SYT6: variants seen among roughly 807,000 people sequenced by gnomAD.
The protein encoded by SYT6 is synaptotagmin 6.
A neutral mutation model predicts 38.4 loss-of-function variants in SYT6; 24 were observed. That is an observed-to-expected ratio of 0.62 (90% confidence interval 0.45 to 0.88). The LOEUF is 0.88. Among genes scored for constraint, SYT6 ranks in the 40% least tolerant of loss-of-function variants. SYT6 has a pLI of 0.00. For synonymous variants in SYT6, 265 were observed against 241.9 expected, an observed-to-expected ratio of 1.10 and a Z score of -0.89; for missense variants, 611 against 621.0, an observed-to-expected ratio of 0.98 and a Z score of 0.17.
At chr1:114,098,659 G>A (rs1339667928) in intron 5 of SYT6, among the ~76,000 whole-genome samples, 1 of 152,208 alleles carries the variant, frequency 6.6e-6, no homozygotes, top group African/African-American at 2.4e-5. Flanking sequence ...AGGAAGATGT[G>A]TCCTTAGTAT....
intron 3 of SYT6, among the ~76,000 whole-genome samples, chr1:114,120,625 A>G (rs1445268714): frequency 6.6e-6 from 1 of 152,246 alleles, no homozygotes; most frequent in Non-Finnish European, 1.5e-5. Flanking sequence ...GCAACCTCAG[A>G]TAATTCACTT....
intron 2 of SYT6, 137 bp downstream of exon 2, chr1:114,139,478 A>C (rs1441039604): frequency 1.4e-6 from 2 of 1,380,684 alleles, no homozygotes; most frequent in Non-Finnish European, 1.9e-6. Flanking sequence ...CATGGCTCAC[A>C]TCATCTGACA....
At chr1:114,093,870 T>G in intron 6 of SYT6, 67 bp from the exon 7 acceptor site, 1 of 1,470,694 alleles carries the variant, frequency 6.8e-7, no homozygotes, top group South Asian at 1.1e-5. Context: ...GACTCAAGTG[T>G]TTCTTAACCA....
At chr1:114,097,020 GA>G (rs1675679522) in intron 6 of SYT6, among the ~76,000 whole-genome samples, 1 of 152,170 alleles carries the variant, frequency 6.6e-6, no homozygotes, top group African/African-American at 2.4e-5. Flanking sequence ...GAAGTTTGCA[GA>G]TATTACTCAA....
intron 3 of SYT6, among the ~76,000 whole-genome samples, chr1:114,110,520 T>C (rs1314157435): frequency 6.6e-6 from 1 of 152,116 alleles, no homozygotes; most frequent in Non-Finnish European, 1.5e-5. Flanking sequence ...AAGCGGATGG[T>C]GGCTATGATA....
At position 114,118,600 on chromosome 1, in the gene SYT6, C is replaced by A. The variant is rs533707887; in HGVS notation, c.1072-14879G>T. On this transcript the variant is annotated intron_variant, in intron 3 of 7. Transcript: ENST00000610222. ...AGCACGCAGGCCATGCCAGGCCCTC[C>A]GGCGGGGTGTCCCTGGGGCTCCTGC... Among the ~76,000 whole-genome samples the A allele has an allele frequency of 2.0e-5, 3 of 152,230 alleles. No homozygotes were observed. In the East Asian group the frequency reaches 5.8e-4, roughly 29 times the overall value.
chr1:114,147,119 G>A (rs939236330), intron 1 of SYT6, among the ~76,000 whole-genome samples: 4 of 152,172 alleles, frequency 2.6e-5, no homozygotes, highest in East Asian at 1.9e-4. Context: ...AATCTTACTA[G>A]CAGAAATAAT....
At chr1:114,099,331 G>T in intron 4 of SYT6, 66 bp from the exon 5 acceptor site, 1 of 1,516,856 alleles carries the variant, frequency 6.6e-7, no homozygotes, top group Non-Finnish European at 8.9e-7. Context: ...AACATCATTT[G>T]CAGCAAAGGG....
chr1:114,102,785 C>T (rs1329403394), intron 4 of SYT6, among the ~76,000 whole-genome samples: 1 of 151,926 alleles, frequency 6.6e-6, no homozygotes, highest in Non-Finnish European at 1.5e-5. Context: ...CAGCCCAGAC[C>T]AAGAGGCTTC....
At chr1:114,093,190 T>C (rs183678039) in intron 7 of SYT6, among the ~76,000 whole-genome samples, 290 of 152,292 alleles carry the variant, frequency 1.9e-3, no homozygotes, top group African/African-American at 6.4e-3. Flanking sequence ...ATACAGCCAT[T>C]CCTAGAAGGG....
chr1:114,123,126 T>A (rs1677521946), intron 3 of SYT6, among the ~76,000 whole-genome samples: 1 of 152,192 alleles, frequency 6.6e-6, no homozygotes, highest in South Asian at 2.1e-4. Context: ...CTCCCGGCAG[T>A]GTCTCACAGG....
intron 3 of SYT6, among the ~76,000 whole-genome samples, chr1:114,111,809 C>T (rs1232829716): frequency 3.7e-5 from 3 of 81,072 alleles, no homozygotes; most frequent in Non-Finnish European, 5.9e-5. Context: ...GCCCGCCCCA[C>T]GTTCCCACAG....
intron 3 of SYT6, among the ~76,000 whole-genome samples, chr1:114,134,813 T>C (rs591480): frequency 0.013 from 1,998 of 152,302 alleles, 37 homozygotes; most frequent in African/African-American, 0.046. Flanking sequence ...GAGCTGGCTG[T>C]TGGCTGCGCT....
At chr1:114,129,789 C>T (rs1678030363) in intron 3 of SYT6, among the ~76,000 whole-genome samples, 1 of 151,356 alleles carries the variant, frequency 6.6e-6, no homozygotes, top group African/African-American at 2.4e-5. Context: ...GCGATTGTCC[C>T]ACCTCAGCCT....
chr1:114,097,969 G>T, intron 5 of SYT6, 92 bp from the exon 6 acceptor site: 1 of 1,445,544 alleles, frequency 6.9e-7, no homozygotes, highest in Non-Finnish European at 9.5e-7. Flanking sequence ...TCTGCCCGAT[G>T]GGTCTAACTC....
chr1:114,105,543 T>C (rs1202995716), intron 3 of SYT6, among the ~76,000 whole-genome samples: 1 of 151,330 alleles, frequency 6.6e-6, no homozygotes, highest in African/African-American at 2.4e-5. Flanking sequence ...CGGGGCACAC[T>C]GTGGAGACAG....
At chr1:114,111,934 TG>T (rs1469033906) in intron 3 of SYT6, among the ~76,000 whole-genome samples, 2 of 152,150 alleles carry the variant, frequency 1.3e-5, no homozygotes, top group Non-Finnish European at 2.9e-5. Flanking sequence ...GTTGATTCCC[TG>T]CTCCGCCTCA....
intron 3 of SYT6, among the ~76,000 whole-genome samples, chr1:114,119,710 G>T (rs1208062526): frequency 6.6e-6 from 1 of 152,166 alleles, no homozygotes; most frequent in East Asian, 1.9e-4. Context: ...TTCACCCAAT[G>T]CTTCTGGAGC....
At chr1:114,118,064 A>G (rs994697068) in intron 3 of SYT6, among the ~76,000 whole-genome samples, 12 of 152,188 alleles carry the variant, frequency 7.9e-5, no homozygotes, top group African/African-American at 2.7e-4. Flanking sequence ...ACAATGCCTC[A>G]CTGGAAGGAG....
Sources: allele counts gnomAD v4.1 joint callset (sites outside exome capture counted in the v4.1 genomes callset), GRCh38; gene constraint gnomAD v4.1.1; transcripts MANE v1.5; gene names NCBI Gene and HGNC (gene_info 2026-07-23, HGNC 2026-07-21).